LRRCC1: variants seen among roughly 807,000 people sequenced by gnomAD.
The protein encoded by LRRCC1 is leucine rich repeat and coiled-coil centrosomal protein 1.
A neutral mutation model predicts 126.0 loss-of-function variants in LRRCC1; 115 were observed. The observed-to-expected ratio is 0.91, with a 90% confidence interval of 0.78 to 1.07. The LOEUF (loss-of-function observed/expected upper bound fraction) is 1.07. LRRCC1 is among the 50% of genes least tolerant of loss of function. LRRCC1 has a pLI of 0.00. For synonymous variants in LRRCC1, 400 were observed against 393.4 expected, an observed-to-expected ratio of 1.02 and a Z score of -0.20; for missense variants, 1,172 against 1,175.7, an observed-to-expected ratio of 1.00 and a Z score of 0.05.
At chr8:85,116,757 G>C (rs1809156894) in intron 6 of LRRCC1, among the ~76,000 whole-genome samples, 1 of 152,102 alleles carries the variant, frequency 6.6e-6, no homozygotes, top group Admixed American at 6.6e-5. Context: ...AATGGTTATG[G>C]TTCAGGAGGT....
In LRRCC1 at chr8:85,109,755, CTG is replaced by C; in HGVS notation, c.268_269del (p.Cys90HisfsTer16). ...RIEGLNTLTK[L>X]CTLNLSCNLI... is the part of the protein sequence containing the mutation. ...TGAAGGACTAAACACACTGACAAAACTGTGCACATTAAATTTGTCCTGCAATT... is the reference window on the plus strand; with the variant it reads ...TGAAGGACTAAACACACTGACAAAACTGCACATTAAATTTGTCCTGCAATT... On this transcript the variant is annotated frameshift_variant, in exon 2 of 19. Transcript: ENST00000360375. LOFTEE classifies it high-confidence loss of function. The C allele has an allele frequency of 6.3e-7, 1 of 1,595,620 alleles. No individual in the cohort carries two copies. The highest frequency in any genetic ancestry group is 8.6e-7 in the Non-Finnish European group (1 of 1,168,734).
rs781328085 is a variant in LRRCC1 at position 85,135,015 on chromosome 8, ACAG to A, written c.2143_2145del (p.Ala715del). 3 of 1,541,686 alleles carry A rather than the reference ACAG, an allele frequency of 1.9e-6. No homozygotes were observed. The East Asian group carries it at 7.1e-5, about 37-fold the overall frequency. Reference sequence around the variant, plus strand: ...AGAAGTTTCTAAATTGAAACAAGAAACAGCAGCAAATTTACAGGTAAGACTTTG... The same window carrying A: ...AGAAGTTTCTAAATTGAAACAAGAAACAGCAAATTTACAGGTAAGACTTTG... On this transcript the variant is annotated inframe_deletion, in exon 13 of 19. Transcript: ENST00000360375.
chr8:85,135,049 T>G lies in LRRCC1; in HGVS notation c.2154+17T>G. ...AATTTACAGGTAAGACTTTGCAACA[T>G]TATATGTTTTAAAATTTTTTTACAT... On this transcript the variant is annotated intron_variant, in intron 13 of 18. Coordinates refer to ENST00000360375, the MANE Select transcript of LRRCC1 (RefSeq NM_033402.5). 1 of 1,440,816 alleles carries G rather than the reference T, an allele frequency of 6.9e-7. No individual in the cohort carries two copies. The highest frequency in any genetic ancestry group is 1.5e-5 in the African/African-American group (1 of 68,012). 89.3% of individuals were successfully genotyped at this position (1,440,816 alleles called of 1,614,324 possible).
chr8:85,107,429 C>G (rs749648742), intron 1 of LRRCC1, 30 bp downstream of exon 1: 4 of 1,575,872 alleles, frequency 2.5e-6, no homozygotes, highest in South Asian at 2.3e-5. Flanking sequence ...CAGGAGCGAC[C>G]CGCGCACTCC....
intron 6 of LRRCC1, among the ~76,000 whole-genome samples, chr8:85,118,834 G>A (rs560627485): frequency 4.0e-5 from 6 of 151,590 alleles, no homozygotes; most frequent in Admixed American, 1.3e-4. Flanking sequence ...TTCCTTACTG[G>A]TCTTTTGATA....
intron 9 of LRRCC1, among the ~76,000 whole-genome samples, chr8:85,127,903 AT>A: frequency 6.6e-6 from 1 of 152,338 alleles, no homozygotes; most frequent in South Asian, 2.1e-4. Flanking sequence ...AGGGAACAGG[AT>A]GTCTCAATTA....
rs79470860 is a variant in LRRCC1 at position 85,114,409 on chromosome 8, G to T, written c.545-691G>T. Among the ~76,000 whole-genome samples, 510 of 151,990 alleles carry T rather than the reference G, an allele frequency of 3.4e-3. 2 individuals carry two copies. The highest frequency in any genetic ancestry group is 6.8e-3 in the Middle Eastern group (2 of 294). On this transcript the variant is annotated intron_variant, in intron 4 of 18. Transcript: ENST00000360375. ...CCCTCAAGATTTCTAATACTAATTT[G>T]CCAGACTTCTTTCTTACTTTCGGAA...
chr8:85,144,535 C>T (rs1811531021), intron 18 of LRRCC1, among the ~76,000 whole-genome samples: 4 of 142,138 alleles, frequency 2.8e-5, no homozygotes, highest in African/African-American at 1.0e-4. Context: ...ATGGCACTAT[C>T]TTGCCTTACT....
At chr8:85,141,295 T>G in intron 17 of LRRCC1, 87 bp from the exon 18 acceptor site, 1 of 1,075,214 alleles carries the variant, frequency 9.3e-7, no homozygotes, top group Admixed American at 2.4e-5. Flanking sequence ...AGTATGAATG[T>G]GAGCCACCCG....
rs115586145 is a variant in LRRCC1, at chr8:85,128,007, T to C, written c.1422-1168T>C. ...ATGTAGTGACAGATTTATAGAGATC[T>C]TGTGACTGAGTCATGGACAGATAGT... On this transcript the variant is annotated intron_variant, in intron 9 of 18. Transcript: ENST00000360375. Among the ~76,000 whole-genome samples the C allele has an allele frequency of 2.2e-3, 330 of 152,316 alleles. 1 individual carries two copies. Among genetic ancestry groups the C allele is most frequent in the African/African-American group, 7.3e-3 (304 of 41,586 alleles).
intron 17 of LRRCC1, among the ~76,000 whole-genome samples, chr8:85,140,484 G>C (rs1204699148): frequency 6.6e-6 from 1 of 152,068 alleles, no homozygotes; most frequent in African/African-American, 2.4e-5. Context: ...TGTTATTACT[G>C]ATTGCTGTAC....
intron 6 of LRRCC1, among the ~76,000 whole-genome samples, chr8:85,115,962 A>G (rs1809091480): frequency 6.6e-6 from 1 of 152,212 alleles, no homozygotes; most frequent in Admixed American, 6.5e-5. Context: ...CAGTGGTTTA[A>G]TGGTCAAAAT....
In LRRCC1 at chr8:85,138,407, G is replaced by A; in HGVS notation, c.2772G>A (p.Val924=). The A allele has an allele frequency of 1.2e-6, 2 of 1,612,414 alleles. No homozygotes were observed. Among genetic ancestry groups the A allele is most frequent in the Non-Finnish European group, 1.7e-6 (2 of 1,179,230 alleles). Reference sequence around the variant, plus strand: ...ATCTTGAAACACAAGTAAAAGAAGTGAAAGAAAAATTTGAAAACAAGGAAA... The same window carrying A: ...ATCTTGAAACACAAGTAAAAGAAGTAAAAGAAAAATTTGAAAACAAGGAAA... The part of the protein sequence containing the change: ...LCHLETQVKE[V]KEKFENKEKK... The change falls in exon 17 of 19, where the codon GTG becomes GTA. Residue 924 remains valine, a synonymous_variant. Coordinates refer to ENST00000360375, the MANE Select transcript of LRRCC1 (RefSeq NM_033402.5).
Position 85,144,874 on chromosome 8 carries a change from T to A in LRRCC1, c.2977-515T>A, listed in dbSNP as rs182072490. Among the ~76,000 whole-genome samples the A allele has an allele frequency of 3.0e-3, 437 of 147,392 alleles. 2 individuals are homozygous for A. Among genetic ancestry groups the A allele is most frequent in the African/African-American group, 0.01 (420 of 40,676 alleles). ...TCATGAGGTCAGGAGATCGAGACCATCCTGGCTAACACAGTGAAACCCCAT... is the reference window on the plus strand; with the variant it reads ...TCATGAGGTCAGGAGATCGAGACCAACCTGGCTAACACAGTGAAACCCCAT... On this transcript the variant is annotated intron_variant, in intron 18 of 18. Transcript: ENST00000360375.
chr8:85,115,061 T>C (rs1416721078), intron 4 of LRRCC1, 39 bp from the exon 5 acceptor site: 1 of 1,471,438 alleles, frequency 6.8e-7, no homozygotes, highest in East Asian at 2.3e-5. Flanking sequence ...TGACTTTTTT[T>C]AATATTTCAG....
chr8:85,139,856 G>C (rs1262202797), intron 17 of LRRCC1, among the ~76,000 whole-genome samples: 1 of 152,144 alleles, frequency 6.6e-6, no homozygotes, highest in Non-Finnish European at 1.5e-5. Flanking sequence ...CCTGGAATTT[G>C]ATTTCTTGTT....
chr8:85,143,304 A>G (rs530338284), intron 18 of LRRCC1, among the ~76,000 whole-genome samples: 116 of 151,896 alleles, frequency 7.6e-4, no homozygotes, highest in African/African-American at 2.7e-3. Flanking sequence ...CTGGGCAACA[A>G]GAGTGAAACT....
At chr8:85,135,167 A>G (rs1333913816) in intron 13 of LRRCC1, 135 bp downstream of exon 13, 2 of 532,264 alleles carry the variant, frequency 3.8e-6, no homozygotes, top group African/African-American at 2.0e-5. Flanking sequence ...GAAAAATAGT[A>G]TAACTAAAGA....
intron 9 of LRRCC1, among the ~76,000 whole-genome samples, chr8:85,127,623 A>G (rs370447261): frequency 9.2e-5 from 14 of 152,176 alleles, no homozygotes; most frequent in East Asian, 3.8e-4. Context: ...TACACAGTTC[A>G]CAGCCCAGTT....
Sources: gnomAD v4.1 joint callset for allele counts (sites outside exome capture counted in the v4.1 genomes callset) on GRCh38, gnomAD v4.1.1 for gene constraint, MANE v1.5 for transcripts, NCBI Gene and HGNC (gene_info 2026-07-23, HGNC 2026-07-21) for gene names.